The following GXYLT2 variants were observed in gnomAD, a reference collection of about 807,000 sequenced individuals.
GXYLT2 encodes glycosyltransferase 8 domain containing 4.
In GXYLT2, 53 loss-of-function variants were observed where a neutral mutation model predicts 45.8. The ratio of observed to expected loss-of-function variants is 1.16; its 90% CI spans 0.93 to 1.46. GXYLT2 has a LOEUF of 1.46. Ranked by LOEUF, GXYLT2 falls within the 40% of genes most tolerant of loss-of-function variation. The probability of loss-of-function intolerance (pLI) is 0.00; values close to 1 mark genes in which losing one functional copy is unlikely to be tolerated. For synonymous variants in GXYLT2, 219 were observed against 214.2 expected (o/e 1.02, Z -0.19); for missense variants, 551 against 544.4 (o/e 1.01, Z -0.12).
intron 5 of GXYLT2, among the ~76,000 whole-genome samples, chr3:72,959,469 C>T (rs1710726217): frequency 6.6e-6 from 1 of 151,680 alleles, no homozygotes; most frequent in South Asian, 2.1e-4. Context: ...TTATGTTGCC[C>T]AAGGTCATCT....
intron 3 of GXYLT2, among the ~76,000 whole-genome samples, chr3:72,940,304 A>G (rs1449629386): frequency 6.6e-6 from 1 of 152,256 alleles, no homozygotes; most frequent in East Asian, 1.9e-4. Context: ...TAAGATATCC[A>G]AATATCCTAA....
At chr3:72,893,752 C>G (rs912983456) in intron 1 of GXYLT2, among the ~76,000 whole-genome samples, 1 of 152,204 alleles carries the variant, frequency 6.6e-6, no homozygotes, top group East Asian at 1.9e-4. Flanking sequence ...CATACCCTTT[C>G]GAAGAATAGT....
intron 1 of GXYLT2, among the ~76,000 whole-genome samples, chr3:72,904,877 CAA>C (rs774693806): frequency 9.8e-4 from 30 of 30,650 alleles, no homozygotes; most frequent in African/African-American, 2.4e-3. Context: ...ACTAAAGATA[CAA>C]AAAAAAAAAA....
intron 3 of GXYLT2, among the ~76,000 whole-genome samples, chr3:72,944,400 G>A (rs1288431592): frequency 9.2e-5 from 14 of 151,740 alleles, no homozygotes; most frequent in Non-Finnish European, 1.8e-4. Flanking sequence ...GATTACAAAC[G>A]TGTGCCACCA....
At position 72,954,798 on chromosome 3, in the gene GXYLT2, T is replaced by C. The variant is rs187038787; in HGVS notation, c.601-300T>C. Among the ~76,000 whole-genome samples, 372 of 152,208 alleles carry C rather than the reference T, an allele frequency of 2.4e-3. 3 individuals are homozygous for C. The highest frequency in any genetic ancestry group is 3.5e-3 in the South Asian group (17 of 4,826). On this transcript the variant is annotated intron_variant, in intron 3 of 6. Coordinates refer to ENST00000389617, the MANE Select transcript of GXYLT2 (RefSeq NM_001080393.2). ...AGTGAGAGCCACAATAATTTGCTGA[T>C]GTTTTCTTTTTTTTGTAAGTTCAAC...
intron 2 of GXYLT2, among the ~76,000 whole-genome samples, chr3:72,912,206 C>T (rs146012101): frequency 0.011 from 1,686 of 151,752 alleles, 26 homozygotes; most frequent in African/African-American, 0.037. Context: ...GACAGGGTTT[C>T]GTCACATTGG....
At chr3:72,892,742 A>G (rs1709205234) in intron 1 of GXYLT2, among the ~76,000 whole-genome samples, 1 of 152,158 alleles carries the variant, frequency 6.6e-6, no homozygotes, top group Non-Finnish European at 1.5e-5. Flanking sequence ...TGCTTCATCT[A>G]TGGCCATCCT....
chr3:72,959,273 A>G (rs940849127), intron 5 of GXYLT2, among the ~76,000 whole-genome samples: 3 of 150,912 alleles, frequency 2.0e-5, no homozygotes, highest in Non-Finnish European at 3.0e-5. Context: ...ACCCAACACC[A>G]CACCCAACTA....
At chr3:72,966,387 C>T (rs1710866652) in intron 5 of GXYLT2, among the ~76,000 whole-genome samples, 1 of 149,152 alleles carries the variant, frequency 6.7e-6, no homozygotes, top group Non-Finnish European at 1.5e-5. Context: ...TAGTTCTGTC[C>T]ATTTTATAAA....
intron 5 of GXYLT2, among the ~76,000 whole-genome samples, chr3:72,961,790 C>T (rs879923641): frequency 3.3e-5 from 5 of 152,016 alleles, no homozygotes; most frequent in African/African-American, 1.2e-4. Context: ...CTCTCTCAAA[C>T]GTGACCACAT....
intron 1 of GXYLT2, among the ~76,000 whole-genome samples, chr3:72,893,982 C>T (rs1483967138): frequency 1.3e-5 from 2 of 152,080 alleles, no homozygotes; most frequent in African/African-American, 4.8e-5. Flanking sequence ...CATTTCTCTG[C>T]CAACAGCTAT....
chr3:72,930,866 T>C (rs996969689), intron 3 of GXYLT2, among the ~76,000 whole-genome samples: 31 of 152,022 alleles, frequency 2.0e-4, no homozygotes, highest in Admixed American at 1.8e-3. Flanking sequence ...AGTGCTAGGA[T>C]TACAGGCATG....
At chr3:72,925,905 T>C (rs892050552) in intron 3 of GXYLT2, among the ~76,000 whole-genome samples, 2 of 152,200 alleles carry the variant, frequency 1.3e-5, no homozygotes, top group Non-Finnish European at 2.9e-5. Flanking sequence ...AAAGAGAGAT[T>C]GTGGTTGACA....
intron 3 of GXYLT2, among the ~76,000 whole-genome samples, chr3:72,935,612 G>A (rs978736120): frequency 6.6e-6 from 1 of 152,150 alleles, no homozygotes; most frequent in African/African-American, 2.4e-5. Flanking sequence ...CTATCAGAAA[G>A]GGAAGAAAAA....
intron 1 of GXYLT2, among the ~76,000 whole-genome samples, chr3:72,897,064 T>C (rs1709305907): frequency 6.6e-6 from 1 of 152,200 alleles, no homozygotes; most frequent in African/African-American, 2.4e-5. Flanking sequence ...ACTTAAAATA[T>C]GCCACGTACC....
chr3:72,911,993 GTA>G lies in GXYLT2; in HGVS notation c.468+3454_468+3455del, dbSNP rs1288910128. ...TGTGTGTGCATGTGTGTGTGTGTGT[GTA>G]TATATATATATATATATATTTTTTT... On this transcript the variant is annotated intron_variant, in intron 2 of 6. Transcript: ENST00000389617. Among the ~76,000 whole-genome samples, 335 of 122,866 alleles carry G rather than the reference GTA, an allele frequency of 2.7e-3. 1 individual carries two copies. The highest frequency in any genetic ancestry group is 3.7e-3 in the East Asian group (18 of 4,802). The allele number at this position is 122,866 out of a possible 152,430, so 80.6% of individuals were successfully genotyped here. A position where few individuals can be genotyped will look rare whatever the true frequency, so the allele number is the denominator to read the frequency against.
intron 6 of GXYLT2, among the ~76,000 whole-genome samples, chr3:72,971,416 C>T (rs1358681676): frequency 6.6e-6 from 1 of 152,108 alleles, no homozygotes; most frequent in African/African-American, 2.4e-5. Context: ...TGCTGTGAAC[C>T]ATTGTGTAGT....
At chr3:72,929,365 GAA>G in intron 3 of GXYLT2, 1 of 1,037,578 alleles carries the variant, frequency 9.6e-7, no homozygotes. Context: ...TACATTTGGG[GAA>G]AAAAAAATAT....
At chr3:72,971,313 A>G (rs1400531370) in intron 6 of GXYLT2, among the ~76,000 whole-genome samples, 1 of 152,210 alleles carries the variant, frequency 6.6e-6, no homozygotes, top group Admixed American at 6.5e-5. Context: ...TCATTCAGGC[A>G]TTTCAATCAG....
Sources: gnomAD v4.1 joint callset for allele counts (sites outside exome capture counted in the v4.1 genomes callset) on GRCh38, gnomAD v4.1.1 for gene constraint, MANE v1.5 for transcripts, NCBI Gene and HGNC (gene_info 2026-07-23, HGNC 2026-07-21) for gene names.